The following TFAP2D variants were observed in gnomAD, a reference collection of about 807,000 sequenced individuals.
The protein encoded by TFAP2D is transcription factor AP-2 delta, also known as transcription factor AP-2-delta.
A neutral mutation model predicts 43.6 loss-of-function variants in TFAP2D; 9 were observed. That is an observed-to-expected ratio of 0.21 (90% CI 0.12 to 0.36). The LOEUF is 0.36. Among genes scored for constraint, TFAP2D ranks in the 10% least tolerant of loss-of-function variants. TFAP2D has a pLI of 1.00. For synonymous variants in TFAP2D, 256 were observed against 224.9 expected, an observed-to-expected ratio of 1.14 and a Z score of -1.24; for missense variants, 513 against 561.4, an observed-to-expected ratio of 0.91 and a Z score of 0.87.
intron 6 of TFAP2D, among the ~76,000 whole-genome samples, chr6:50,745,594 T>C (rs530679743): frequency 6.6e-6 from 1 of 152,260 alleles, no homozygotes; most frequent in South Asian, 2.1e-4. Flanking sequence ...AAGGCACTCA[T>C]TTTGCCTTAA....
chr6:50,761,547 A>C (rs977221000), intron 7 of TFAP2D, among the ~76,000 whole-genome samples: 1 of 152,052 alleles, frequency 6.6e-6, no homozygotes, highest in Non-Finnish European at 1.5e-5. Flanking sequence ...GTAGGTAGAA[A>C]GGTGCTGGAT....
At chr6:50,732,908 G>A (rs1397782515) in intron 5 of TFAP2D, among the ~76,000 whole-genome samples, 2 of 151,962 alleles carry the variant, frequency 1.3e-5, no homozygotes, top group East Asian at 3.8e-4. Context: ...TGGAGTCACT[G>A]TATGAATAGC....
chr6:50,720,486 AACACACACACACACAC>A (rs59484837), intron 3 of TFAP2D, among the ~76,000 whole-genome samples: 16,263 of 139,132 alleles, frequency 0.12, 1,221 homozygotes, highest in East Asian at 0.39. Context: ...TGGAGATTAA[AACACACACACACACAC>A]ACACACACAC....
Position 50,729,050 on chromosome 6 carries a change from A to G in TFAP2D, c.764+29A>G, listed in dbSNP as rs767748700. On this transcript the variant is annotated intron_variant, in intron 4 of 7. Transcript: ENST00000008391. Reference sequence around the variant, plus strand: ...AGACAAAGCTATATTCTGGCACAGAATTTCTGCTAACTGATACCATACCCT... The same window carrying G: ...AGACAAAGCTATATTCTGGCACAGAGTTTCTGCTAACTGATACCATACCCT... The G allele has an allele frequency of 4.3e-6, 7 of 1,611,932 alleles. No individual in the cohort carries two copies. In the Admixed American group the frequency reaches 1.2e-4, roughly 27 times the overall value.
At chr6:50,715,825 G>C (rs1370217101) in intron 2 of TFAP2D, among the ~76,000 whole-genome samples, 1 of 151,002 alleles carries the variant, frequency 6.6e-6, no homozygotes, top group Non-Finnish European at 1.5e-5. Context: ...GAGTGTGCCC[G>C]TTCTCTTCCT....
At chr6:50,741,767 G>GA (rs112907842) in intron 5 of TFAP2D, among the ~76,000 whole-genome samples, 1,442 of 132,584 alleles carry the variant, frequency 0.011, 18 homozygotes, top group African/African-American at 0.03. Flanking sequence ...AAGTAGCTCT[G>GA]AAAAAAAAAA....
At chr6:50,743,320 G>A (rs1356714524) in intron 5 of TFAP2D, among the ~76,000 whole-genome samples, 1 of 152,036 alleles carries the variant, frequency 6.6e-6, no homozygotes, top group Non-Finnish European at 1.5e-5. Context: ...CCTAGAACAG[G>A]AGGTCTCACC....
At position 50,729,098 on chromosome 6, in the gene TFAP2D, C is replaced by T. The variant is rs539561141; in HGVS notation, c.764+77C>T. 1.5e-5 allele frequency: 24 copies of T among 1,601,756 alleles called. No homozygotes were observed. The African/African-American group carries it at 2.5e-4, about 17-fold the overall frequency. Reference sequence around the variant, plus strand: ...CCTCAACCCTTAGTCATGATGTCTTCCATCTGATAGTGTATTCCCCATGTG... The same window carrying T: ...CCTCAACCCTTAGTCATGATGTCTTTCATCTGATAGTGTATTCCCCATGTG... On this transcript the variant is annotated intron_variant, in intron 4 of 7. Transcript: ENST00000008391.
chr6:50,771,343 T>A (rs960160803), intron 7 of TFAP2D, among the ~76,000 whole-genome samples: 2 of 152,200 alleles, frequency 1.3e-5, no homozygotes, highest in Non-Finnish European at 2.9e-5. Context: ...ATGTATCACT[T>A]CTCTTTATGT....
intron 7 of TFAP2D, among the ~76,000 whole-genome samples, chr6:50,759,395 A>C (rs944489733): frequency 2.0e-5 from 3 of 151,990 alleles, no homozygotes; most frequent in African/African-American, 7.2e-5. Context: ...GGTGATCTCT[A>C]AGGTTCTTTT....
chr6:50,761,273 G>A (rs187657317), intron 7 of TFAP2D, among the ~76,000 whole-genome samples: 60 of 150,744 alleles, frequency 4.0e-4, no homozygotes, highest in African/African-American at 1.4e-3. Flanking sequence ...TGCTTTTTCA[G>A]GTAAAAAGTT....
Position 50,772,637 on chromosome 6 carries a change from A to G in TFAP2D, c.1140-8A>G. 1 of 1,612,880 alleles carries G rather than the reference A, an allele frequency of 6.2e-7. No individual in the cohort carries two copies. Among genetic ancestry groups the G allele is most frequent in the Non-Finnish European group, 8.5e-7 (1 of 1,179,114 alleles). Reference sequence around the variant, plus strand: ...CACCTCTTTTTTCCTATCACTTCTCATTTCCAGTTTGATCACTCATGGCTT... The same window carrying G: ...CACCTCTTTTTTCCTATCACTTCTCGTTTCCAGTTTGATCACTCATGGCTT... On this transcript the variant is annotated splice_region_variant and splice_polypyrimidine_tract_variant and intron_variant, in intron 7 of 7. Coordinates refer to ENST00000008391, the MANE Select transcript of TFAP2D (RefSeq NM_172238.4).
chr6:50,723,009 G>A (rs1232878225), intron 3 of TFAP2D, among the ~76,000 whole-genome samples: 5 of 152,284 alleles, frequency 3.3e-5, no homozygotes, highest in African/African-American at 1.2e-4. Context: ...GATTGCCCGT[G>A]GCTACACAAA....
chr6:50,772,892 G>C lies in TFAP2D; in HGVS notation c.*28G>C. 2 of 1,578,054 alleles carry C rather than the reference G, an allele frequency of 1.3e-6. No individual in the cohort carries two copies. The highest frequency in any genetic ancestry group is 2.3e-5 in the South Asian group (2 of 87,452). ...ACATCAAACAGAATCTATTTCCAGA[G>C]AGTCTTGCTGCTGATATTTTTTCTA... is the stretch of plus-strand genomic sequence containing the variant. On this transcript the variant is annotated 3_prime_UTR_variant, in exon 8 of 8. Coordinates refer to ENST00000008391, the MANE Select transcript of TFAP2D (RefSeq NM_172238.4).
At chr6:50,741,993 C>T (rs922101090) in intron 5 of TFAP2D, among the ~76,000 whole-genome samples, 4 of 152,052 alleles carry the variant, frequency 2.6e-5, no homozygotes, top group Non-Finnish European at 5.9e-5. Context: ...CCAAATCAGT[C>T]AAACTCCTTA....
At chr6:50,730,129 G>T (rs1231847574) in intron 5 of TFAP2D, among the ~76,000 whole-genome samples, 1 of 152,060 alleles carries the variant, frequency 6.6e-6, no homozygotes, top group Non-Finnish European at 1.5e-5. Context: ...ACACACCTGT[G>T]TTACTTCATA....
intron 5 of TFAP2D, among the ~76,000 whole-genome samples, chr6:50,736,228 C>CTTT (rs1271860215): frequency 1.3e-5 from 2 of 152,132 alleles, no homozygotes; most frequent in African/African-American, 4.8e-5. Flanking sequence ...GCGTTGACCT[C>CTTT]TTGTATTAAT....
In TFAP2D at chr6:50,715,415, T is replaced by C; in HGVS notation, c.339T>C (p.Phe113=). Residue 113 remains phenylalanine, a synonymous_variant, in exon 2 of 8, where the codon TTT becomes TTC. Coordinates refer to ENST00000008391, the MANE Select transcript of TFAP2D (RefSeq NM_172238.4). ...TCCACCACGGGGAGCCCACCGACTT[T>C]ATTAACCTGCACAATGCGCGGGCGC... ...QQIHHGEPTD[F]INLHNARALK... is the part of the protein sequence containing the mutation. 2 of 1,614,080 alleles carry C rather than the reference T, an allele frequency of 1.2e-6. No homozygotes were observed. Among genetic ancestry groups the C allele is most frequent in the Non-Finnish European group, 1.7e-6 (2 of 1,180,012 alleles).
Position 50,745,291 on chromosome 6 carries a change from AT to A in TFAP2D, c.1025+52del, listed in dbSNP as rs751164513. ...ACCTCTGTGTGCTTTCATCTTCAGTATTTTTTTTTCATTTTCTTTGAAATGA... is the reference window on the plus strand; with the variant it reads ...ACCTCTGTGTGCTTTCATCTTCAGTATTTTTTTTCATTTTCTTTGAAATGA... On this transcript the variant is annotated intron_variant, in intron 6 of 7. Transcript: ENST00000008391. 908 of 1,586,234 alleles carry A rather than the reference AT, an allele frequency of 5.7e-4. 7 individuals carry two copies. The highest frequency in any genetic ancestry group is 2.8e-4 in the Admixed American group (15 of 54,122).
Sources: gnomAD v4.1 joint callset for allele counts (sites outside exome capture counted in the v4.1 genomes callset) on GRCh38, gnomAD v4.1.1 for gene constraint, MANE v1.5 for transcripts, NCBI Gene and HGNC (gene_info 2026-07-23, HGNC 2026-07-21) for gene names.